The following MACF1 variants were observed in gnomAD, a reference collection of about 807,000 sequenced individuals.
MACF1 encodes the protein microtubule-actin cross-linking factor 1.
A neutral mutation model predicts 854.8 loss-of-function variants in MACF1; 193 were observed. The ratio of observed to expected loss-of-function variants is 0.23; its 90% confidence interval spans 0.20 to 0.25. MACF1 has a LOEUF of 0.25. Among genes scored for constraint, MACF1 ranks in the 10% least tolerant of loss-of-function variants. The pLI is 1.00. For synonymous variants in MACF1, 3,185 were observed against 3,226.7 expected (o/e 0.99, Z 0.44); for missense variants, 7,722 against 8,929.1 (o/e 0.86, Z 5.45).
intron 23 of MACF1, among the ~76,000 whole-genome samples, chr1:39,308,093 A>G (rs1646227332): frequency 6.6e-6 from 1 of 151,180 alleles, no homozygotes; most frequent in Non-Finnish European, 1.5e-5. Context: ...TTTAGTAGAG[A>G]CGGGGTTTCA....
chr1:39,156,286 G>A (rs1643685420), intron 2 of MACF1, among the ~76,000 whole-genome samples: 1 of 152,152 alleles, frequency 6.6e-6, no homozygotes, highest in African/African-American at 2.4e-5. Flanking sequence ...TGGGATTACA[G>A]GCATGAGCCA....
chr1:39,190,397 T>TTG (rs1553160947), intron 2 of MACF1, among the ~76,000 whole-genome samples: 13 of 120,986 alleles, frequency 1.1e-4, no homozygotes, highest in Non-Finnish European at 1.7e-4. Flanking sequence ...GTGTGTTTGT[T>TTG]TTTGTTTTTT....
intron 6 of MACF1, among the ~76,000 whole-genome samples, chr1:39,258,609 C>CT (rs1645122371): frequency 2.0e-5 from 3 of 152,302 alleles, no homozygotes; most frequent in South Asian, 4.1e-4. Flanking sequence ...CTTTTTAGAT[C>CT]TGAATTGCTA....
intron 58 of MACF1, among the ~76,000 whole-genome samples, chr1:39,392,812 A>G (rs1219942777): frequency 1.3e-5 from 2 of 152,216 alleles, no homozygotes; most frequent in African/African-American, 4.8e-5. Context: ...AATGATTAGT[A>G]GGTCCTCACT....
chr1:39,116,670 A>C (rs563726877), intron 2 of MACF1, among the ~76,000 whole-genome samples: 207 of 152,306 alleles, frequency 1.4e-3, no homozygotes, highest in African/African-American at 4.7e-3. Context: ...GAAGAAGCAT[A>C]TATGTAACTT....
chr1:39,309,769 C>T (rs2148433290), intron 24 of MACF1, 73 bp downstream of exon 24: 4 of 1,523,318 alleles, frequency 2.6e-6, no homozygotes, highest in Non-Finnish European at 3.6e-6. Context: ...TTTTTCATTA[C>T]TGTGAGACTT....
At chr1:39,114,446 A>G (rs1252719061) in intron 2 of MACF1, among the ~76,000 whole-genome samples, 3 of 152,120 alleles carry the variant, frequency 2.0e-5, no homozygotes, top group South Asian at 4.1e-4. Flanking sequence ...TTAAAAGAGC[A>G]TAAAACTTCA....
chr1:39,429,749 T>C, intron 64 of MACF1, 78 bp from the exon 65 acceptor site: 1 of 1,388,794 alleles, frequency 7.2e-7, no homozygotes, highest in Non-Finnish European at 1.0e-6. Context: ...ATTAAAGCTC[T>C]GATTTGAAGA....
At chr1:39,371,339 AAG>A (rs1245912529) in intron 51 of MACF1, among the ~76,000 whole-genome samples, 3 of 145,424 alleles carry the variant, frequency 2.1e-5, no homozygotes, top group South Asian at 2.1e-4. Context: ...AAAAAAAAAA[AAG>A]AGTGATTAAT....
chr1:39,442,697 T>C lies in MACF1; in HGVS notation c.19105-17T>C. On this transcript the variant is annotated splice_polypyrimidine_tract_variant and intron_variant, in intron 77 of 100. Transcript: ENST00000564288. The stretch of plus-strand genomic sequence containing the variant: ...TGATATCCATAGAGATAAATTATGT[T>C]GTTCAACATGTTTTAGGTCCTAAAA... 1 of 1,613,192 alleles carries C rather than the reference T, an allele frequency of 6.2e-7. No homozygotes were observed. Among genetic ancestry groups the C allele is most frequent in the Non-Finnish European group, 8.5e-7 (1 of 1,179,630 alleles).
chr1:39,257,667 A>C, intron 5 of MACF1: 1 of 343,690 alleles, frequency 2.9e-6, no homozygotes, highest in Non-Finnish European at 5.3e-6. Flanking sequence ...AAGCAAAACA[A>C]GGAATCAGGA....
chr1:39,428,663 T>C (rs1244594704), intron 63 of MACF1, among the ~76,000 whole-genome samples: 1 of 152,240 alleles, frequency 6.6e-6, no homozygotes, highest in African/African-American at 2.4e-5. Flanking sequence ...GATTTGATCA[T>C]ACAGTTAAAA....
chr1:39,289,380 C>G (rs187798927), intron 15 of MACF1, among the ~76,000 whole-genome samples: 1 of 152,328 alleles, frequency 6.6e-6, no homozygotes, highest in Admixed American at 6.5e-5. Flanking sequence ...TCCGTTTTCT[C>G]CATATCCTCA....
chr1:39,376,454 C>G (rs1392963944), intron 52 of MACF1, among the ~76,000 whole-genome samples: 1 of 152,092 alleles, frequency 6.6e-6, no homozygotes, highest in Non-Finnish European at 1.5e-5. Flanking sequence ...TGATCTCTTC[C>G]CAGTTACCCC....
intron 2 of MACF1, among the ~76,000 whole-genome samples, chr1:39,108,506 G>GTTTTT (rs778050199): frequency 8.3e-5 from 10 of 120,670 alleles, no homozygotes; most frequent in Non-Finnish European, 1.2e-4. Context: ...ACATGAGAGG[G>GTTTTT]TTTTTTTTTT....
intron 70 of MACF1, chr1:39,435,974 G>A (rs763316942): frequency 7.4e-6 from 4 of 536,934 alleles, no homozygotes; most frequent in Non-Finnish European, 9.8e-6. Context: ...AGTCTTGGCT[G>A]GTATATATTG....
At chr1:39,212,893 T>G (rs906680512) in intron 1 of MACF1, among the ~76,000 whole-genome samples, 1 of 152,252 alleles carries the variant, frequency 6.6e-6, no homozygotes, top group Non-Finnish European at 1.5e-5. Context: ...CCAAAAGTGC[T>G]GGCATTATAG....
chr1:39,304,169 CTCCCCCCACCCCA>C (rs1646117247), intron 23 of MACF1: 1 of 106,540 alleles, frequency 9.4e-6, no homozygotes, highest in Non-Finnish European at 1.9e-5. Flanking sequence ...TCCCTCCCCC[CTCCCCCCACCCCA>C]TCCCCCCACC....
chr1:39,336,115 T>G lies in MACF1; in HGVS notation c.9527T>G (p.Val3176Gly), dbSNP rs200188679. ...TGTAAAGAAAAGTCATACCAAGAAG[T>G]ATCTTTTGACCCAGCAAGAGGTCTT... ...NECKEKSYQE[V>G]SFDPARGLKL... The change falls in exon 37 of 101, where the codon GTA becomes GGA. Residue 3176 changes from valine (V) to glycine (G), a missense_variant. Val to Gly is a moderately radical substitution (Grantham distance 109). Transcript: ENST00000564288. The G allele has an allele frequency of 8.0e-5, 129 of 1,614,058 alleles. No homozygotes were observed. The African/African-American group carries it at 1.5e-3, about 19-fold the overall frequency.
Sources: allele counts gnomAD v4.1 joint callset (sites outside exome capture counted in the v4.1 genomes callset), GRCh38; gene constraint gnomAD v4.1.1; transcripts MANE v1.5; gene names NCBI Gene and HGNC (gene_info 2026-07-23, HGNC 2026-07-21).